NEDD9: variants seen among roughly 807,000 people sequenced by gnomAD.
NEDD9 encodes neural precursor cell expressed, developmentally down-regulated 9, also known as enhancer of filamentation 1.
A neutral mutation model predicts 76.6 loss-of-function variants in NEDD9; 26 were observed. The ratio of observed to expected loss-of-function variants is 0.34; its 90% CI spans 0.25 to 0.47. The LOEUF (loss-of-function observed/expected upper bound fraction) is 0.47. Among genes scored for constraint, NEDD9 ranks in the 20% least tolerant of loss-of-function variants. The pLI is 1.00. For missense variants in NEDD9, 937 were observed against 1,058.5 expected, an observed-to-expected ratio of 0.89 and a Z score of 1.59; for synonymous variants, 392 against 414.2, an observed-to-expected ratio of 0.95 and a Z score of 0.65.
Position 11,349,214 on chromosome 6 carries a change from A to G in NEDD9, c.-213-14653T>C, listed in dbSNP as rs531402648. Among the ~76,000 whole-genome samples, 15 of 152,348 alleles carry G rather than the reference A, an allele frequency of 9.8e-5. No homozygotes were observed. The East Asian group carries it at 1.7e-3, about 18-fold the overall frequency. On this transcript the variant is annotated intron_variant, in intron 1 of 3. Transcript: ENST00000397378. Reference sequence around the variant, plus strand: ...TAGAGAAAGGCACATCAAAACTACAATGAGATACTATCTCACACCAGTCAG... The same window carrying G: ...TAGAGAAAGGCACATCAAAACTACAGTGAGATACTATCTCACACCAGTCAG...
intron 1 of NEDD9, among the ~76,000 whole-genome samples, chr6:11,379,761 C>T (rs1763028846): frequency 6.6e-6 from 1 of 152,008 alleles, no homozygotes; most frequent in South Asian, 2.1e-4. Flanking sequence ...AGCTAGCTAC[C>T]AGTGCCTGTT....
intron 1 of NEDD9, among the ~76,000 whole-genome samples, chr6:11,334,850 A>T (rs1762119024): frequency 6.6e-6 from 1 of 152,244 alleles, no homozygotes; most frequent in Non-Finnish European, 1.5e-5. Context: ...TCAACAACAC[A>T]TTCGGCCCAG....
intron 1 of NEDD9, among the ~76,000 whole-genome samples, chr6:11,373,047 T>G (rs550422119): frequency 1.3e-5 from 2 of 152,042 alleles, no homozygotes; most frequent in Non-Finnish European, 2.9e-5. Flanking sequence ...TACTTAAAGC[T>G]AACAAAGAAA....
chr6:11,298,281 A>ATG (rs1314040918), intron 3 of NEDD9, among the ~76,000 whole-genome samples: 1 of 151,916 alleles, frequency 6.6e-6, no homozygotes, highest in Admixed American at 6.6e-5. Context: ...GTGTGAAGTG[A>ATG]TGTGTGTGTG....
intron 2 of NEDD9, among the ~76,000 whole-genome samples, chr6:11,201,661 A>C (rs770843759): frequency 6.6e-6 from 1 of 152,002 alleles, no homozygotes; most frequent in Non-Finnish European, 1.5e-5. Context: ...TTATCTATCT[A>C]TCTATGTCTA....
At chr6:11,352,932 A>G (rs570182081) in intron 1 of NEDD9, among the ~76,000 whole-genome samples, 84 of 152,406 alleles carry the variant, frequency 5.5e-4, no homozygotes, top group African/African-American at 1.9e-3. Flanking sequence ...TGAGGATTCA[A>G]TGGGATAAAA....
chr6:11,201,942 A>G (rs1312022705), intron 2 of NEDD9, among the ~76,000 whole-genome samples: 5 of 152,204 alleles, frequency 3.3e-5, no homozygotes, highest in Admixed American at 6.5e-5. Context: ...GAGTTTACCC[A>G]TGAATTTAGT....
Position 11,290,175 on chromosome 6 carries a change from G to A in NEDD9, c.12+15817C>T, listed in dbSNP as rs548281186. Among the ~76,000 whole-genome samples the A allele has an allele frequency of 3.3e-5, 5 of 152,292 alleles. No homozygotes were observed. The Middle Eastern group carries it at 0.017, about 518-fold the overall frequency. On this transcript the variant is annotated intron_variant, in intron 3 of 3. Coordinates refer to the NEDD9 transcript ENST00000397378. The stretch of plus-strand genomic sequence containing the variant: ...GTGTCCATTTCCTCATTCTTTAGCA[G>A]GTATTTGTTGGAAGCCTCTGTTGTT...
intron 2 of NEDD9, among the ~76,000 whole-genome samples, chr6:11,204,403 T>C (rs377608881): frequency 6.6e-6 from 1 of 152,120 alleles, no homozygotes; most frequent in East Asian, 1.9e-4. Flanking sequence ...AGTTACCCAT[T>C]TGAAGGAATT....
intron 2 of NEDD9, among the ~76,000 whole-genome samples, chr6:11,316,678 A>T (rs548207194): frequency 1.3e-5 from 2 of 152,346 alleles, no homozygotes; most frequent in South Asian, 4.1e-4. Flanking sequence ...ATGGAGGTGG[A>T]GAGAAATCCA....
At chr6:11,288,915 T>C (rs1421832360) in intron 3 of NEDD9, among the ~76,000 whole-genome samples, 2 of 152,268 alleles carry the variant, frequency 1.3e-5, no homozygotes, top group Admixed American at 1.3e-4. Flanking sequence ...CATAATTGAC[T>C]AATTGCAGCC....
At chr6:11,380,770 C>A (rs1044100741) in intron 1 of NEDD9, among the ~76,000 whole-genome samples, 4 of 152,160 alleles carry the variant, frequency 2.6e-5, no homozygotes, top group Non-Finnish European at 5.9e-5. Flanking sequence ...CTCTCCTACA[C>A]CTCTGCTTTT....
chr6:11,273,564 G>A (rs998778956), intron 3 of NEDD9, among the ~76,000 whole-genome samples: 1 of 152,202 alleles, frequency 6.6e-6, no homozygotes, highest in Non-Finnish European at 1.5e-5. Flanking sequence ...CACAGTCCCC[G>A]CCTGTGGTCT....
intron 3 of NEDD9, among the ~76,000 whole-genome samples, chr6:11,270,552 C>T (rs1760282144): frequency 1.3e-5 from 2 of 152,132 alleles, no homozygotes; most frequent in Non-Finnish European, 2.9e-5. Flanking sequence ...TATCAGCCTC[C>T]AATGACGTAG....
intron 2 of NEDD9, among the ~76,000 whole-genome samples, chr6:11,320,990 C>T (rs982089626): frequency 6.6e-6 from 1 of 150,962 alleles, no homozygotes; most frequent in African/African-American, 2.4e-5. Context: ...ACTTTTTAAC[C>T]ATATACCTCT....
chr6:11,363,622 G>A (rs960849771), intron 1 of NEDD9, among the ~76,000 whole-genome samples: 1 of 152,148 alleles, frequency 6.6e-6, no homozygotes, highest in East Asian at 1.9e-4. Flanking sequence ...TGGAATGAAA[G>A]GCTCCATCTT....
intron 3 of NEDD9, among the ~76,000 whole-genome samples, chr6:11,291,592 C>G (rs561739525): frequency 6.6e-6 from 1 of 151,998 alleles, no homozygotes; most frequent in Non-Finnish European, 1.5e-5. Flanking sequence ...ATTTTTAACA[C>G]GAGCAGGAAG....
At chr6:11,220,402 A>G (rs1759104044) in intron 1 of NEDD9, among the ~76,000 whole-genome samples, 1 of 152,166 alleles carries the variant, frequency 6.6e-6, no homozygotes, top group Non-Finnish European at 1.5e-5. Context: ...TAGCTATAGC[A>G]TTCTCTTTTG....
At position 11,247,898 on chromosome 6, in the gene NEDD9, A is replaced by G. The variant is rs562536478; in HGVS notation, c.13-34171T>C. Among the ~76,000 whole-genome samples, 5 of 152,318 alleles carry G rather than the reference A, an allele frequency of 3.3e-5. No homozygotes were observed. The South Asian group carries it at 1.0e-3, about 32-fold the overall frequency. ...TGGTGATGCTTTAGAAGGCTTTTAGAAAGAAAGGAGAAAGAAGGTCCCATG... is the reference window on the plus strand; with the variant it reads ...TGGTGATGCTTTAGAAGGCTTTTAGGAAGAAAGGAGAAAGAAGGTCCCATG... On this transcript the variant is annotated intron_variant, in intron 3 of 3. Transcript: ENST00000397378.
Sources: gnomAD v4.1 joint callset for allele counts (sites outside exome capture counted in the v4.1 genomes callset) on GRCh38, gnomAD v4.1.1 for gene constraint, MANE v1.5 for transcripts, NCBI Gene and HGNC (gene_info 2026-07-23, HGNC 2026-07-21) for gene names.